The following SDCCAG8 variants were observed in gnomAD, a reference collection of about 807,000 sequenced individuals.
The protein encoded by SDCCAG8 is SHH signaling and ciliogenesis regulator SDCCAG8.
SDCCAG8 carries 74 observed loss-of-function variants against 101.8 expected under a neutral mutation model. The observed-to-expected ratio is 0.73, with a 90% CI of 0.60 to 0.88. The LOEUF (loss-of-function observed/expected upper bound fraction) is 0.88, where lower values mean the gene tolerates loss of function less well. SDCCAG8 is among the 40% of genes least tolerant of loss of function. The pLI is 0.00. For synonymous variants in SDCCAG8, 281 were observed against 292.9 expected, an observed-to-expected ratio of 0.96 and a Z score of 0.41; for missense variants, 787 against 822.6, an observed-to-expected ratio of 0.96 and a Z score of 0.53.
intron 16 of SDCCAG8, among the ~76,000 whole-genome samples, chr1:243,432,588 A>G (rs927878288): frequency 6.6e-6 from 1 of 152,214 alleles, no homozygotes; most frequent in South Asian, 2.1e-4. Flanking sequence ...TAGCAGTTGA[A>G]TTTTATATTC....
intron 13 of SDCCAG8, among the ~76,000 whole-genome samples, chr1:243,411,836 C>T (rs79302614): frequency 1.2e-3 from 187 of 152,266 alleles, no homozygotes; most frequent in African/African-American, 4.4e-3. Context: ...AGTTGATGCA[C>T]GTTTAAGTTG....
rs747582764 is a variant in SDCCAG8, at chr1:243,330,578, G to C, written c.1107G>C (p.Glu369Asp). The change falls in exon 10 of 18, where the codon GAG becomes GAC. Residue 369 changes from glutamate (E) to aspartate (D), a missense_variant. Transcript: ENST00000366541. ...GTGACCAGTTGAGGAAGGAGCTGGA[G>C]AGGCAGGCGGAGCGACTTGAAAAAG... is the stretch of plus-strand genomic sequence containing the variant. Reference protein sequence around the residue: ...IQCDQLRKELERQAERLEKEL... With the variant: ...IQCDQLRKELDRQAERLEKEL... The C allele has an allele frequency of 6.2e-7, 1 of 1,614,064 alleles. No individual in the cohort carries two copies. The highest frequency in any genetic ancestry group is 8.5e-7 in the Non-Finnish European group (1 of 1,179,994).
chr1:243,477,358 A>G (rs752199518), intron 16 of SDCCAG8, among the ~76,000 whole-genome samples: 1 of 152,146 alleles, frequency 6.6e-6, no homozygotes, highest in Non-Finnish European at 1.5e-5. Flanking sequence ...TATCCTCACC[A>G]TTAGTCTGTT....
At chr1:243,327,972 A>C (rs145860460) in intron 9 of SDCCAG8, among the ~76,000 whole-genome samples, 1 of 151,538 alleles carries the variant, frequency 6.6e-6, no homozygotes, top group African/African-American at 2.4e-5. Flanking sequence ...GTGCGATCTC[A>C]GCTCACTGCA....
At chr1:243,332,904 G>A (rs992187806) in intron 10 of SDCCAG8, among the ~76,000 whole-genome samples, 1 of 152,166 alleles carries the variant, frequency 6.6e-6, no homozygotes, top group Non-Finnish European at 1.5e-5. Context: ...AGGTCTGGAG[G>A]TGATTATCGT....
chr1:243,297,704 T>G (rs934901830), intron 6 of SDCCAG8, among the ~76,000 whole-genome samples: 4 of 152,232 alleles, frequency 2.6e-5, no homozygotes, highest in Admixed American at 2.6e-4. Flanking sequence ...GAGTATTGTT[T>G]CATACATTTA....
intron 16 of SDCCAG8, among the ~76,000 whole-genome samples, chr1:243,448,512 G>A (rs1287824348): frequency 6.6e-6 from 1 of 152,154 alleles, no homozygotes; most frequent in Non-Finnish European, 1.5e-5. Flanking sequence ...GAAAAGATGT[G>A]TAAGACTTAA....
At chr1:243,337,044 T>G (rs2075059107) in intron 10 of SDCCAG8, among the ~76,000 whole-genome samples, 1 of 152,270 alleles carries the variant, frequency 6.6e-6, no homozygotes, top group Middle Eastern at 3.4e-3. Flanking sequence ...TGCAATTGCT[T>G]TTGAGAACTT....
At chr1:243,371,800 A>C (rs1231362611) in intron 12 of SDCCAG8, among the ~76,000 whole-genome samples, 4 of 152,132 alleles carry the variant, frequency 2.6e-5, no homozygotes, top group African/African-American at 9.7e-5. Flanking sequence ...TATGCCAAAA[A>C]ATTTTCTGTG....
intron 5 of SDCCAG8, among the ~76,000 whole-genome samples, chr1:243,289,314 T>A (rs142728199): frequency 2.0e-5 from 3 of 152,216 alleles, no homozygotes; most frequent in Non-Finnish European, 4.4e-5. Flanking sequence ...TCTGCCTGCT[T>A]TATATTCGCT....
intron 13 of SDCCAG8, among the ~76,000 whole-genome samples, chr1:243,413,786 C>G (rs185048502): frequency 3.3e-5 from 5 of 152,316 alleles, no homozygotes; most frequent in Admixed American, 3.3e-4. Context: ...TGGGGATGGT[C>G]TGACAGGGCT....
chr1:243,433,802 T>G (rs1240017550), intron 16 of SDCCAG8, among the ~76,000 whole-genome samples: 1 of 152,216 alleles, frequency 6.6e-6, no homozygotes, highest in Non-Finnish European at 1.5e-5. Flanking sequence ...CGAGTATAGG[T>G]GTTTTTGTCA....
At chr1:243,358,601 T>G (rs545246112) in intron 12 of SDCCAG8, among the ~76,000 whole-genome samples, 4 of 152,272 alleles carry the variant, frequency 2.6e-5, no homozygotes, top group Non-Finnish European at 4.4e-5. Flanking sequence ...GCAATTCCAG[T>G]CCTGGGTCTA....
At chr1:243,418,867 T>C (rs1241975683) in intron 15 of SDCCAG8, among the ~76,000 whole-genome samples, 1 of 152,182 alleles carries the variant, frequency 6.6e-6, no homozygotes, top group Non-Finnish European at 1.5e-5. Flanking sequence ...ACTGATAAGA[T>C]GTCAAATACT....
At chr1:243,495,460 T>A (rs1667583282) in intron 17 of SDCCAG8, among the ~76,000 whole-genome samples, 1 of 152,186 alleles carries the variant, frequency 6.6e-6, no homozygotes, top group Non-Finnish European at 1.5e-5. Context: ...GAGGCTGTTA[T>A]CAGGGGCCCA....
At chr1:243,431,362 G>C (rs7537757) in intron 16 of SDCCAG8, among the ~76,000 whole-genome samples, 25,148 of 152,092 alleles carry the variant, frequency 0.17, 2,244 homozygotes, top group African/African-American at 0.21. Flanking sequence ...GGGTGGAGAA[G>C]AGGAGCGTGT....
chr1:243,407,674 C>A (rs1348538528), intron 13 of SDCCAG8, among the ~76,000 whole-genome samples: 1 of 152,104 alleles, frequency 6.6e-6, no homozygotes, highest in Non-Finnish European at 1.5e-5. Context: ...TATTTCCTTT[C>A]TTTTGTGTAT....
At chr1:243,269,406 G>A (rs918469065) in intron 1 of SDCCAG8, among the ~76,000 whole-genome samples, 1 of 150,940 alleles carries the variant, frequency 6.6e-6, no homozygotes, top group East Asian at 2.0e-4. Flanking sequence ...TATTTTTAGA[G>A]ATGAACTATC....
At chr1:243,270,879 TA>T in intron 2 of SDCCAG8, 98 bp from the exon 3 acceptor site, 1 of 855,458 alleles carries the variant, frequency 1.2e-6, no homozygotes, top group Non-Finnish European at 2.0e-6. Flanking sequence ...TCTTGATGCA[TA>T]ATATATCAGC....
Sources: allele counts gnomAD v4.1 joint callset (sites outside exome capture counted in the v4.1 genomes callset), GRCh38; gene constraint gnomAD v4.1.1; transcripts MANE v1.5; gene names NCBI Gene and HGNC (gene_info 2026-07-23, HGNC 2026-07-21).